The following MYH11 variants were observed in gnomAD, a reference collection of about 807,000 sequenced individuals.
The protein encoded by MYH11 is myosin heavy chain 11.
A neutral mutation model predicts 246.6 loss-of-function variants in MYH11; 80 were observed. The ratio of observed to expected loss-of-function variants is 0.32; its 90% CI spans 0.27 to 0.39. MYH11 has a LOEUF of 0.39. MYH11 is among the 10% of genes least tolerant of loss of function. The pLI is 1.00. For synonymous variants in MYH11, 1,071 were observed against 1,015.5 expected (o/e 1.05, Z -1.04); for missense variants, 2,158 against 2,546.8 (o/e 0.85, Z 3.29).
chr16:15,718,431 G>A lies in MYH11; in HGVS notation c.5179C>T (p.Leu1727Phe), dbSNP rs2040286402. 2 of 1,567,198 alleles carry A rather than the reference G, an allele frequency of 1.3e-6. No individual in the cohort carries two copies. The highest frequency in any genetic ancestry group is 1.3e-5 in the African/African-American group (1 of 74,184). Residue 1727 changes from leucine (L) to phenylalanine (F), a missense_variant, in exon 37 of 41, where the codon CTC (leucine) becomes TTC (phenylalanine). Around this residue, in one of 11 missense-constraint regions of MYH11, gnomAD observed 1,013 missense variants for 993.5 expected, o/e 1.02. Transcript: ENST00000300036. ...LASSLSGRNA[L>F]QDEKRRLEAR... ...TCCAGGCGGCGCTTCTCGTCCTGGA[G>A]TGCGTTCCTGGGGGAAGGGCGGCCA...
chr16:15,763,584 G>GT (rs889021154), intron 10 of MYH11, among the ~76,000 whole-genome samples: 52 of 151,140 alleles, frequency 3.4e-4, no homozygotes, highest in African/African-American at 5.6e-4. Context: ...TATTAGGTTT[G>GT]TTTTTTTTTA....
In MYH11 at chr16:15,721,639, A is replaced by G; in HGVS notation, c.4366-5T>C. 6.2e-7 allele frequency: 1 copy of G among 1,614,150 alleles called. No individual in the cohort carries two copies. Among genetic ancestry groups the G allele is most frequent in the Non-Finnish European group, 8.5e-7 (1 of 1,180,010 alleles). On this transcript the variant is annotated splice_region_variant and splice_polypyrimidine_tract_variant and intron_variant, in intron 31 of 40. Transcript: ENST00000300036. ...GTTTTTCTCCTCGGCTAACAACTAC[A>G]ACACAAGACCCAGAGGTGACTTCTA...
intron 2 of MYH11, among the ~76,000 whole-genome samples, chr16:15,835,749 T>C (rs1011928512): frequency 4.7e-5 from 4 of 84,216 alleles, no homozygotes; most frequent in African/African-American, 2.7e-4. Flanking sequence ...TGGTACTATT[T>C]TTTTTTTTTT....
intron 9 of MYH11, among the ~76,000 whole-genome samples, chr16:15,769,088 G>C (rs2042043122): frequency 6.6e-6 from 1 of 152,208 alleles, no homozygotes; most frequent in South Asian, 2.1e-4. Context: ...CAAGATGGGT[G>C]GATCATCTGA....
At chr16:15,840,179 T>G (rs965472045) in intron 1 of MYH11, among the ~76,000 whole-genome samples, 1 of 152,210 alleles carries the variant, frequency 6.6e-6, no homozygotes, top group East Asian at 1.9e-4. Flanking sequence ...GTGGTCATGG[T>G]GGTGCTTACA....
chr16:15,716,806 G>A (rs897608679), intron 38 of MYH11, among the ~76,000 whole-genome samples: 5 of 152,176 alleles, frequency 3.3e-5, no homozygotes, highest in African/African-American at 4.8e-5. Context: ...GAGCCACCAC[G>A]TCCAGCCTGG....
At chr16:15,852,590 C>T (rs1403833294) in intron 1 of MYH11, among the ~76,000 whole-genome samples, 2 of 152,066 alleles carry the variant, frequency 1.3e-5, no homozygotes, top group East Asian at 1.9e-4. Flanking sequence ...CCACCTGCTG[C>T]GGCCTCCCAA....
chr16:15,751,118 GTATTATTATTATTAT>G (rs56124315), intron 15 of MYH11, among the ~76,000 whole-genome samples: 33 of 143,312 alleles, frequency 2.3e-4, no homozygotes, highest in South Asian at 6.8e-4. Flanking sequence ...CAAAAAGTAG[GTATTATTATTATTAT>G]TATTATTATT....
At chr16:15,795,018 G>A (rs929776744) in intron 4 of MYH11, among the ~76,000 whole-genome samples, 4 of 152,168 alleles carry the variant, frequency 2.6e-5, no homozygotes. Flanking sequence ...AGAACTGCAG[G>A]ATGGGCTGGG....
rs773621694 is a variant in MYH11, at chr16:15,798,619, AAAAAC to A, written c.530+36_530+40del. On this transcript the variant is annotated intron_variant, in intron 4 of 40. Coordinates refer to ENST00000300036, the MANE Select transcript of MYH11 (RefSeq NM_002474.3). ...TCTCGACTACAGATTAAAAAAAAAAAAAAACAAAAAAAAAACAGAAGAAAAAGCAG... is the reference window on the plus strand; with the variant it reads ...TCTCGACTACAGATTAAAAAAAAAAAAAAAAAAAAACAGAAGAAAAAGCAG... 3,345 of 1,491,682 alleles carry A rather than the reference AAAAAC, an allele frequency of 2.2e-3. 22 individuals carry two copies. Among genetic ancestry groups the A allele is most frequent in the Non-Finnish European group, 2.4e-3 (2,695 of 1,107,930 alleles). The allele number at this position is 1,491,682 out of a possible 1,614,324, so 92.4% of individuals were successfully genotyped here.
At chr16:15,855,695 A>G (rs937493898) in intron 1 of MYH11, among the ~76,000 whole-genome samples, 6 of 152,206 alleles carry the variant, frequency 3.9e-5, no homozygotes, top group African/African-American at 1.4e-4. Flanking sequence ...ATTTCCTTCA[A>G]ACAAAATTCT....
intron 25 of MYH11, 33 bp downstream of exon 25, chr16:15,737,416 C>A (rs748612565): frequency 6.3e-5 from 101 of 1,606,904 alleles, no homozygotes; most frequent in Non-Finnish European, 8.3e-5. Flanking sequence ...GATACATGGA[C>A]ACACAGCAAA....
intron 4 of MYH11, among the ~76,000 whole-genome samples, chr16:15,794,852 G>A (rs1262207211): frequency 6.6e-6 from 1 of 152,222 alleles, no homozygotes; most frequent in Non-Finnish European, 1.5e-5. Context: ...CATGGCTGGA[G>A]GGCCACAACA....
At chr16:15,726,816 C>A (rs1450055068) in intron 28 of MYH11, 32 bp downstream of exon 28, 2 of 1,608,312 alleles carry the variant, frequency 1.2e-6, no homozygotes, top group Non-Finnish European at 1.7e-6. Context: ...CCACCCAGCA[C>A]TGCCCACCAC....
chr16:15,827,752 C>T (rs2043609697), intron 2 of MYH11, among the ~76,000 whole-genome samples: 1 of 152,256 alleles, frequency 6.6e-6, no homozygotes, highest in African/African-American at 2.4e-5. Context: ...GGAGCAGGGA[C>T]AGCCTGACTT....
chr16:15,769,413 C>A (rs1419169158), intron 9 of MYH11, among the ~76,000 whole-genome samples: 1 of 152,244 alleles, frequency 6.6e-6, no homozygotes, highest in Non-Finnish European at 1.5e-5. Flanking sequence ...GCTGGGAGGA[C>A]TGCTTGAGCC....
At chr16:15,811,362 C>A (rs1305783710) in intron 3 of MYH11, among the ~76,000 whole-genome samples, 1 of 152,188 alleles carries the variant, frequency 6.6e-6, no homozygotes, top group Non-Finnish European at 1.5e-5. Flanking sequence ...AAGAATACTA[C>A]ACTATCTATA....
intron 10 of MYH11, 30 bp from the exon 11 acceptor site, chr16:15,760,688 C>T: frequency 7.1e-7 from 1 of 1,411,218 alleles, no homozygotes; most frequent in Non-Finnish European, 1.0e-6. Context: ...ATCGTGAGTG[C>T]ATCACAAAAG....
chr16:15,725,571 A>G, intron 28 of MYH11: 1 of 407,106 alleles, frequency 2.5e-6, no homozygotes, highest in East Asian at 3.5e-5. Flanking sequence ...TGAGGCTGTT[A>G]GCCTACCCCT....
Sources: allele counts gnomAD v4.1 joint callset (sites outside exome capture counted in the v4.1 genomes callset), GRCh38; gene constraint gnomAD v4.1.1; regional missense constraint gnomAD v4.1.1; transcripts MANE v1.5; gene names NCBI Gene and HGNC (gene_info 2026-07-23, HGNC 2026-07-21).